The following SERGEF variants were observed in gnomAD, a reference collection of about 807,000 sequenced individuals.
SERGEF encodes the protein secretion-regulating guanine nucleotide exchange factor.
A neutral mutation model predicts 50.0 loss-of-function variants in SERGEF; 51 were observed. The observed-to-expected ratio is 1.02, with a 90% CI of 0.81 to 1.29. The LOEUF is 1.29. Ranked by LOEUF, SERGEF falls within the 50% of genes most tolerant of loss-of-function variation. SERGEF has a pLI of 0.00. For synonymous variants in SERGEF, 205 were observed against 212.4 expected (o/e 0.97, Z 0.30); for missense variants, 521 against 557.0 (o/e 0.94, Z 0.65).
chr11:17,829,770 AACT>A (rs1850261717), intron 10 of SERGEF, among the ~76,000 whole-genome samples: 1 of 152,214 alleles, frequency 6.6e-6, no homozygotes, highest in Non-Finnish European at 1.5e-5. Context: ...TGACAATGTA[AACT>A]ACCCTGATCC....
rs1183227380 is a variant in SERGEF, at chr11:18,006,630, G to C, written c.313C>G (p.Gln105Glu). 5 of 1,614,132 alleles carry C rather than the reference G, an allele frequency of 3.1e-6. No homozygotes were observed. The South Asian group carries it at 5.5e-5, about 18-fold the overall frequency. The change falls in exon 3 of 11, where the codon CAG becomes GAG. Residue 105 changes from glutamine to glutamate, a missense_variant. Coordinates refer to ENST00000265965, the MANE Select transcript of SERGEF (RefSeq NM_012139.4). ...GTAAAATCCCAGCCACAGGCCACCT[G>C]TTGGATGGGACAGCCAAAGAGGGAT... ...CKSLFGCPIQ[Q>E]VACGWDFTIM...
chr11:17,997,782 A>C (rs1853868602), intron 5 of SERGEF, among the ~76,000 whole-genome samples: 1 of 152,258 alleles, frequency 6.6e-6, no homozygotes, highest in African/African-American at 2.4e-5. Flanking sequence ...GTCACAAAAA[A>C]GACAAATACT....
chr11:17,821,442 T>C (rs1319525846), intron 10 of SERGEF, among the ~76,000 whole-genome samples: 1 of 152,220 alleles, frequency 6.6e-6, no homozygotes, highest in Non-Finnish European at 1.5e-5. Context: ...TGGAACCTTA[T>C]CTAACTTGGT....
chr11:17,845,905 G>T (rs1228981382), intron 10 of SERGEF, among the ~76,000 whole-genome samples: 2 of 152,196 alleles, frequency 1.3e-5, no homozygotes, highest in African/African-American at 2.4e-5. Flanking sequence ...TGGAAGGGCA[G>T]GAACTATCTG....
intron 10 of SERGEF, among the ~76,000 whole-genome samples, chr11:17,792,257 C>A (rs1193780356): frequency 6.6e-6 from 1 of 152,218 alleles, no homozygotes; most frequent in African/African-American, 2.4e-5. Context: ...AGAGGATGAA[C>A]CCCAGGCCAC....
chr11:17,866,456 C>T (rs1851024645), intron 10 of SERGEF, among the ~76,000 whole-genome samples: 1 of 152,188 alleles, frequency 6.6e-6, no homozygotes, highest in African/African-American at 2.4e-5. Context: ...GTTAAGTACA[C>T]TTTATATTGC....
chr11:17,997,937 G>T (rs1292317490), intron 5 of SERGEF, among the ~76,000 whole-genome samples: 1 of 152,150 alleles, frequency 6.6e-6, no homozygotes, highest in Non-Finnish European at 1.5e-5. Flanking sequence ...AAGACAAAAT[G>T]TTCTGGAGAT....
At chr11:17,878,515 C>A (rs914292531) in intron 9 of SERGEF, among the ~76,000 whole-genome samples, 6 of 152,152 alleles carry the variant, frequency 3.9e-5, no homozygotes, top group African/African-American at 1.2e-4. Context: ...TAAACCCTTT[C>A]TTCCTTTTAC....
At chr11:17,979,795 C>G (rs1853455859) in intron 8 of SERGEF, among the ~76,000 whole-genome samples, 1 of 152,176 alleles carries the variant, frequency 6.6e-6, no homozygotes, top group African/African-American at 2.4e-5. Context: ...CGCACATCTG[C>G]AGCATACTAG....
chr11:17,808,534 T>C (rs1162530624), intron 10 of SERGEF, among the ~76,000 whole-genome samples: 1 of 152,150 alleles, frequency 6.6e-6, no homozygotes, highest in African/African-American at 2.4e-5. Context: ...GCCCTCATGA[T>C]CCAATCACTT....
At chr11:17,942,540 A>AT (rs1282205790) in intron 9 of SERGEF, among the ~76,000 whole-genome samples, 3 of 152,196 alleles carry the variant, frequency 2.0e-5, no homozygotes, top group African/African-American at 4.8e-5. Context: ...TTCAACAATC[A>AT]TATCATCTGT....
intron 9 of SERGEF, among the ~76,000 whole-genome samples, chr11:17,901,667 G>A (rs112904051): frequency 3.3e-5 from 5 of 152,100 alleles, no homozygotes; most frequent in Non-Finnish European, 7.4e-5. Flanking sequence ...CACACTCAGC[G>A]GAATCCAACT....
At chr11:17,811,621 T>G (rs1370577642) in intron 10 of SERGEF, among the ~76,000 whole-genome samples, 1 of 152,200 alleles carries the variant, frequency 6.6e-6, no homozygotes, top group Non-Finnish European at 1.5e-5. Context: ...AAGAATTCCA[T>G]CAGATATACA....
intron 10 of SERGEF, among the ~76,000 whole-genome samples, chr11:17,789,676 A>G (rs1231533329): frequency 6.6e-6 from 1 of 152,272 alleles, no homozygotes; most frequent in Non-Finnish European, 1.5e-5. Flanking sequence ...AAACTTGCAG[A>G]ATCTTGCCCT....
rs1014775800 is a variant in SERGEF, at chr11:17,884,301, T to C, written c.1012-6057A>G. Among the ~76,000 whole-genome samples, 2 of 152,160 alleles carry C rather than the reference T, an allele frequency of 1.3e-5. No homozygotes were observed. The highest frequency in any genetic ancestry group is 2.9e-5 in the Non-Finnish European group (2 of 68,022). On this transcript the variant is annotated intron_variant, in intron 9 of 10. Transcript: ENST00000265965. The surrounding 1 kb of genome is among the most constrained non-coding windows in gnomAD (Gnocchi z 4.6). ...ATGCTCTGTGCCGCACTGCGAGCCC[T>C]TGGCGGGCACAGCCGCCAGGGTGGG... is the stretch of plus-strand genomic sequence containing the variant.
At chr11:17,862,924 A>G (rs953573497) in intron 10 of SERGEF, among the ~76,000 whole-genome samples, 2 of 152,232 alleles carry the variant, frequency 1.3e-5, no homozygotes, top group Non-Finnish European at 2.9e-5. Context: ...AACAAGTACC[A>G]TCAGTAATGC....
At chr11:17,862,299 A>C (rs1303783040) in intron 10 of SERGEF, among the ~76,000 whole-genome samples, 3 of 152,240 alleles carry the variant, frequency 2.0e-5, no homozygotes, top group Non-Finnish European at 4.4e-5. Context: ...CAGCTAAACA[A>C]AACAGCCTCA....
Position 17,995,808 on chromosome 11 carries a change from T to C in SERGEF, c.610A>G (p.Ser204Gly). ...LPLFFTAKEP[S>G]RVTGLENSKA... The stretch of plus-strand genomic sequence containing the variant: ...AGAAGCATCTTACCTGTCACTCTGC[T>C]TGGTTCCTTTGCTGTGAAAAACAAT... Residue 204 changes from serine (S) to glycine (G), a missense_variant, in exon 6 of 11, where the codon AGC becomes GGC. Transcript: ENST00000265965. 3.7e-6 allele frequency: 6 copies of C among 1,612,384 alleles called. No individual in the cohort carries two copies. Among genetic ancestry groups the C allele is most frequent in the Non-Finnish European group, 5.1e-6 (6 of 1,178,508 alleles).
chr11:17,968,353 T>C (rs1853172637), intron 8 of SERGEF, among the ~76,000 whole-genome samples: 1 of 152,108 alleles, frequency 6.6e-6, no homozygotes, highest in African/African-American at 2.4e-5. Context: ...ATTGAGCAAA[T>C]AGTTATTGAG....
Sources: gnomAD v4.1 joint callset for allele counts (sites outside exome capture counted in the v4.1 genomes callset) on GRCh38, gnomAD v4.1.1 for gene constraint, Gnocchi (gnomAD v3.1) non-coding constraint, MANE v1.5 for transcripts, NCBI Gene and HGNC (gene_info 2026-07-23, HGNC 2026-07-21) for gene names.